Variants in ZNF180 observed in about 807,000 individuals in gnomAD.
The protein encoded by ZNF180 is zinc finger protein 180 (HHZ168).
ZNF180 carries 11 observed loss-of-function variants against 11.8 expected under a neutral mutation model. The observed-to-expected ratio is 0.93, with a 90% confidence interval of 0.59 to 1.55. The LOEUF is 1.55. ZNF180 is among the 40% of genes most tolerant of loss of function. The pLI is 0.00. For synonymous variants in ZNF180, 287 were observed against 257.7 expected, an observed-to-expected ratio of 1.11 and a Z score of -1.09; for missense variants, 773 against 781.7, an observed-to-expected ratio of 0.99 and a Z score of 0.13.
intron 3 of ZNF180, among the ~76,000 whole-genome samples, chr19:44,482,196 A>G (rs1481339140): frequency 6.6e-6 from 1 of 152,094 alleles, no homozygotes; most frequent in Non-Finnish European, 1.5e-5. Context: ...AGTCCCAGCT[A>G]CTCAGGAGGC....
chr19:44,482,983 A>C (rs984756823), intron 3 of ZNF180, among the ~76,000 whole-genome samples: 2 of 152,246 alleles, frequency 1.3e-5, no homozygotes, highest in African/African-American at 4.8e-5. Flanking sequence ...GCTGCTCTTC[A>C]TCAGCTCATT....
chr19:44,474,603 G>A lies in ZNF180; in HGVS notation c.*1799C>T, dbSNP rs1969811184. On this transcript the variant is annotated 3_prime_UTR_variant, in exon 5 of 5. Coordinates refer to ENST00000592529, the MANE Select transcript of ZNF180 (RefSeq NM_001278509.3). The stretch of plus-strand genomic sequence containing the variant: ...AGTTAAAATTTTCATTTCAGCATCT[G>A]TTTTTCTCATATCCCCTTTGTGCTT... The A allele has an allele frequency of 6.6e-6, 1 of 152,136 alleles. No individual in the cohort carries two copies. Among genetic ancestry groups the A allele is most frequent in the Non-Finnish European group, 1.5e-5 (1 of 68,014 alleles). The allele number at this position is 152,136 out of a possible 1,614,324, so 9.4% of individuals were successfully genotyped here.
intron 3 of ZNF180, among the ~76,000 whole-genome samples, 161 bp downstream of exon 3, chr19:44,484,200 G>T (rs991688830): frequency 6.6e-6 from 1 of 151,834 alleles, no homozygotes; most frequent in African/African-American, 2.4e-5. Context: ...GGGTTTCACC[G>T]TGTTAGCCAG....
At chr19:44,482,832 C>T (rs2123454709) in intron 3 of ZNF180, among the ~76,000 whole-genome samples, 1 of 152,286 alleles carries the variant, frequency 6.6e-6, no homozygotes, top group African/African-American at 2.4e-5. Context: ...TTATTTTTTT[C>T]TTATGAAGAC....
At chr19:44,481,980 A>G (rs1419031711) in intron 3 of ZNF180, among the ~76,000 whole-genome samples, 1 of 152,144 alleles carries the variant, frequency 6.6e-6, no homozygotes, top group Non-Finnish European at 1.5e-5. Context: ...CCTTCCCAAA[A>G]TCTTCAACTG....
At chr19:44,499,171 CACTCGCCAGCGTGGGGGT>C (rs1970668046) in intron 1 of ZNF180, among the ~76,000 whole-genome samples, 1 of 152,212 alleles carries the variant, frequency 6.6e-6, no homozygotes, top group African/African-American at 2.4e-5. Context: ...AGGACTTGGG[CACTCGCCAGCGTGGGGGT>C]TCTCGAGCCT....
Position 44,477,824 on chromosome 19 carries a change from T to C in ZNF180, c.576A>G (p.Lys192=). Reference sequence around the variant, plus strand: ...GCCATTTTTTAGCATGTGATACATGTTTATGAAAATGGTTTCTTATGGGTA... The same window carrying C: ...GCCATTTTTTAGCATGTGATACATGCTTATGAAAATGGTTTCTTATGGGTA... ...PVIPIRNHFH[K]HVSHAKKWHL... Residue 192 remains lysine, a synonymous_variant, in exon 5 of 5, where the codon AAA becomes AAG. Coordinates refer to ENST00000592529, the MANE Select transcript of ZNF180 (RefSeq NM_001278509.3). 1 of 1,614,000 alleles carries C rather than the reference T, an allele frequency of 6.2e-7. No homozygotes were observed. The highest frequency in any genetic ancestry group is 8.5e-7 in the Non-Finnish European group (1 of 1,179,990).
Position 44,477,964 on chromosome 19 carries a change from A to G in ZNF180, c.436T>C (p.Leu146=), listed in dbSNP as rs142788070. The change falls in exon 5 of 5, where the codon TTG becomes CTG. Residue 146 remains leucine, a synonymous_variant. Transcript: ENST00000592529. The part of the protein sequence containing the change: ...EKQQEKQEIL[L]QEVAFTQRKA... The stretch of plus-strand genomic sequence containing the variant: ...CTTTGAGTGAATGCCACTTCCTGCA[A>G]AAGTATCTCTTGTTTTTCCTGTTGC... 1,740 of 1,614,032 alleles carry G rather than the reference A, an allele frequency of 1.1e-3. 4 individuals are homozygous for G. The highest frequency in any genetic ancestry group is 1.3e-3 in the Non-Finnish European group (1,560 of 1,179,970).
intron 2 of ZNF180, 40 bp from the exon 3 acceptor site, chr19:44,484,475 G>A: frequency 6.7e-7 from 1 of 1,503,576 alleles, no homozygotes; most frequent in Non-Finnish European, 9.3e-7. Context: ...AAAATAATCA[G>A]GGAGCTAAGT....
rs146480330 is a variant in ZNF180 at position 44,476,862 on chromosome 19, T to C, written c.1538A>G (p.Gln513Arg). Residue 513 changes from glutamine (Q) to arginine (R), a missense_variant, in exon 5 of 5, where the codon CAA becomes CGA. Physicochemically the swap from Gln to Arg is conservative, Grantham distance 43 (BLOSUM62 1). Transcript: ENST00000592529. ...CGGTTTCTCTCCAGTGTGAGTTCTT[T>C]GATGTGCAACAAGCTGAGAGCTCCA... ...FSWSSQLVAHQRTHTGEKPYE... is the reference protein window; with the variant it reads ...FSWSSQLVAHRRTHTGEKPYE... The C allele has an allele frequency of 1.7e-4, 281 of 1,614,078 alleles. No individual in the cohort carries two copies. Among genetic ancestry groups the C allele is most frequent in the Admixed American group, 2.7e-4 (16 of 60,008 alleles).
At position 44,477,189 on chromosome 19, in the gene ZNF180, T is replaced by A. The variant is rs777567420; in HGVS notation, c.1211A>T (p.His404Leu). Residue 404 changes from histidine (H) to leucine (L), a missense_variant, in exon 5 of 5, where the codon CAT (histidine) becomes CTT (leucine). Transcript: ENST00000592529. ...SYVLVVHQRT[H>L]TGEKPYECNQ... The stretch of plus-strand genomic sequence containing the variant: ...GCATTCATAAGGCTTCTCCCCAGTA[T>A]GAGTTCTTTGATGCACAACAAGGAC... The A allele has an allele frequency of 6.2e-7, 1 of 1,613,426 alleles. No homozygotes were observed. The highest frequency in any genetic ancestry group is 2.2e-5 in the East Asian group (1 of 44,860).
chr19:44,474,987 G>A lies in ZNF180; in HGVS notation c.*1415C>T, dbSNP rs1381999343. On this transcript the variant is annotated 3_prime_UTR_variant, in exon 5 of 5. Transcript: ENST00000592529. Reference sequence around the variant, plus strand: ...CTCATAGGGATAGAATTTTGCTAAGGATAACCCCATCAGTTACCCTTTAAG... The same window carrying A: ...CTCATAGGGATAGAATTTTGCTAAGAATAACCCCATCAGTTACCCTTTAAG... 1 of 152,174 alleles carries A rather than the reference G, an allele frequency of 6.6e-6. No homozygotes were observed. The highest frequency in any genetic ancestry group is 1.5e-5 in the Non-Finnish European group (1 of 68,036). 9.4% of individuals were successfully genotyped at this position (152,174 alleles called of 1,614,324 possible). A position where few individuals can be genotyped will look rare whatever the true frequency, so the allele number is the denominator to read the frequency against.
chr19:44,476,700 A>C lies in ZNF180; in HGVS notation c.1700T>G (p.Val567Gly), dbSNP rs1969890986. The stretch of plus-strand genomic sequence containing the variant: ...TTCTCCAGTATGAGTTCTCTGATGT[A>C]CAACAAGAACATAACTCTGGCTGAA... Reference protein sequence around the residue: ...KSFSQSYVLVVHQRTHTGEKP... With the variant: ...KSFSQSYVLVGHQRTHTGEKP... The change falls in exon 5 of 5, where the codon GTA (valine) becomes GGA (glycine). Residue 567 changes from valine (V) to glycine (G), a missense_variant. Coordinates refer to ENST00000592529, the MANE Select transcript of ZNF180 (RefSeq NM_001278509.3). 6.2e-7 allele frequency: 1 copy of C among 1,613,936 alleles called. No homozygotes were observed. Among genetic ancestry groups the C allele is most frequent in the African/African-American group, 1.3e-5 (1 of 74,928 alleles).
intron 3 of ZNF180, among the ~76,000 whole-genome samples, chr19:44,479,880 A>T (rs1970033625): frequency 6.6e-6 from 1 of 152,212 alleles, no homozygotes; most frequent in Non-Finnish European, 1.5e-5. Context: ...TTAGCCACAG[A>T]AAATATATAA....
intron 2 of ZNF180, among the ~76,000 whole-genome samples, chr19:44,492,570 G>C (rs28482326): frequency 0.043 from 6,573 of 152,236 alleles, 388 homozygotes; most frequent in African/African-American, 0.12. Context: ...CAGGGGGAAA[G>C]AGACAAGCAG....
intron 3 of ZNF180, among the ~76,000 whole-genome samples, chr19:44,480,185 C>T (rs1030662030): frequency 9.2e-5 from 14 of 152,188 alleles, no homozygotes; most frequent in Non-Finnish European, 1.6e-4. Flanking sequence ...TGGCTCACTG[C>T]AGCCTCCATC....
intron 2 of ZNF180, among the ~76,000 whole-genome samples, chr19:44,494,195 C>G (rs1970519820): frequency 6.6e-6 from 1 of 152,218 alleles, no homozygotes. Context: ...TCTTTCCCCA[C>G]AGTGCTTTGC....
Position 44,476,869 on chromosome 19 carries a change from C to A in ZNF180, c.1531G>T (p.Ala511Ser). The A allele has an allele frequency of 1.2e-6, 2 of 1,614,088 alleles. No homozygotes were observed. The highest frequency in any genetic ancestry group is 1.7e-6 in the Non-Finnish European group (2 of 1,180,016). The stretch of plus-strand genomic sequence containing the variant: ...TCTCCAGTGTGAGTTCTTTGATGTG[C>A]AACAAGCTGAGAGCTCCAGCTGAAG... The part of the protein sequence containing the change: ...KSFSWSSQLV[A>S]HQRTHTGEKP... Residue 511 changes from alanine (A) to serine (S), a missense_variant, in exon 5 of 5, where the codon GCA becomes TCA. Coordinates refer to ENST00000592529, the MANE Select transcript of ZNF180 (RefSeq NM_001278509.3).
At position 44,476,542 on chromosome 19, in the gene ZNF180, G is replaced by A. The variant is rs377043880; in HGVS notation, c.1858C>T (p.Arg620Ter). Reference protein sequence around the residue: ...QCGKTFSLSARLIVHQRTHTG... With the variant: ...QCGKTFSLSA ...TGAGTTCTTTGATGCACAATAAGTC[G>A]AGCACTCAAGCTAAATGTTTTTCCA... The change falls in exon 5 of 5, where the codon CGA (arginine) becomes TGA (stop). Residue 620 changes from arginine to a stop codon, truncating the protein, a stop_gained. Coordinates refer to ENST00000592529, the MANE Select transcript of ZNF180 (RefSeq NM_001278509.3). LOFTEE classifies it low-confidence loss of function (END_TRUNC). The A allele has an allele frequency of 9.9e-6, 16 of 1,613,786 alleles. No individual in the cohort carries two copies. Among genetic ancestry groups the A allele is most frequent in the East Asian group, 8.9e-5 (4 of 44,860 alleles).
Sources: gnomAD v4.1 joint callset for allele counts (sites outside exome capture counted in the v4.1 genomes callset) on GRCh38, gnomAD v4.1.1 for gene constraint, MANE v1.5 for transcripts, NCBI Gene and HGNC (gene_info 2026-07-23, HGNC 2026-07-21) for gene names.